Variants in ABI2 observed in about 807,000 individuals in gnomAD.
ABI2 encodes abl interactor 2, also known as abelson interactor 2.
ABI2 carries 25 observed loss-of-function variants against 59.2 expected under a neutral mutation model. The ratio of observed to expected loss-of-function variants is 0.42; its 90% CI spans 0.31 to 0.59. The LOEUF (loss-of-function observed/expected upper bound fraction) is 0.59. Among genes scored for constraint, ABI2 ranks in the 20% least tolerant of loss-of-function variants. The pLI is 0.14. For missense variants in ABI2, 545 were observed against 681.8 expected, an observed-to-expected ratio of 0.80 and a Z score of 2.23; for synonymous variants, 213 against 235.5, an observed-to-expected ratio of 0.90 and a Z score of 0.87.
intron 1 of ABI2, among the ~76,000 whole-genome samples, chr2:203,333,965 G>T (rs1404601628): frequency 1.4e-5 from 2 of 146,448 alleles, no homozygotes; most frequent in Admixed American, 6.8e-5. Flanking sequence ...TTTTGAGATG[G>T]AGTCTCACTC....
chr2:203,397,104 A>G, intron 8 of ABI2, 137 bp downstream of exon 8: 6 of 1,192,422 alleles, frequency 5.0e-6, no homozygotes, highest in Non-Finnish European at 6.3e-6. Flanking sequence ...CTAACCAGAA[A>G]GTATGTGACC....
At chr2:203,370,186 T>TTCTCTCTCTCTCTCTC (rs71007509) in intron 2 of ABI2, among the ~76,000 whole-genome samples, 81 of 136,726 alleles carry the variant, frequency 5.9e-4, no homozygotes, top group Middle Eastern at 3.8e-3. Context: ...CATTCTCCTA[T>TTCTCTCTCTCTCTCTC]TCTCTCTCTC....
At chr2:203,384,663 T>C (rs559054801) in intron 4 of ABI2, among the ~76,000 whole-genome samples, 18 of 152,094 alleles carry the variant, frequency 1.2e-4, no homozygotes, top group Middle Eastern at 3.4e-3. Flanking sequence ...GAGGTCAGTA[T>C]GATGTGTTTG....
At chr2:203,369,735 A>G (rs1026834872) in intron 2 of ABI2, among the ~76,000 whole-genome samples, 3 of 152,146 alleles carry the variant, frequency 2.0e-5, no homozygotes. Flanking sequence ...CTAGAGGGCA[A>G]TAGTTGGAGG....
intron 9 of ABI2, among the ~76,000 whole-genome samples, chr2:203,403,758 T>TTC (rs1341475472): frequency 6.9e-6 from 1 of 144,978 alleles, no homozygotes; most frequent in Non-Finnish European, 1.5e-5. Flanking sequence ...TTTTTTTTTT[T>TTC]TTTTTTAAAT....
At chr2:203,370,325 T>C (rs1300263468) in intron 2 of ABI2, among the ~76,000 whole-genome samples, 1 of 151,540 alleles carries the variant, frequency 6.6e-6, no homozygotes, top group Non-Finnish European at 1.5e-5. Context: ...TGGTCTCAAG[T>C]GATCCTCCCA....
chr2:203,378,304 G>A (rs1292207617), intron 2 of ABI2, among the ~76,000 whole-genome samples: 3 of 151,946 alleles, frequency 2.0e-5, no homozygotes, highest in Admixed American at 6.5e-5. Flanking sequence ...GTAGAGACGG[G>A]GTTTCACCGT....
chr2:203,359,376 G>A (rs1467619100), intron 1 of ABI2, among the ~76,000 whole-genome samples: 1 of 151,996 alleles, frequency 6.6e-6, no homozygotes, highest in African/African-American at 2.4e-5. Context: ...TCTTAATTTA[G>A]AGTATTCAGC....
intron 2 of ABI2, among the ~76,000 whole-genome samples, chr2:203,375,076 G>A (rs1282920729): frequency 6.6e-6 from 1 of 152,208 alleles, no homozygotes; most frequent in Admixed American, 6.5e-5. Context: ...GTATCCTTAA[G>A]GAACCTGGGT....
rs545028359 is a variant in ABI2, at chr2:203,422,088, G to C, written c.1453+5007G>C. Reference sequence around the variant, plus strand: ...AGGCCGGCGGATTGCTTGAGACGAGGAGTTCAAGACCAGCCTGGGCAACAT... The same window carrying C: ...AGGCCGGCGGATTGCTTGAGACGAGCAGTTCAAGACCAGCCTGGGCAACAT... On this transcript the variant is annotated intron_variant, in intron 11 of 11. Coordinates refer to ENST00000261018, the MANE Select transcript of ABI2 (RefSeq NM_001375670.1). 3.5e-3 allele frequency among the ~76,000 whole-genome samples: 528 copies of C among 152,146 alleles called. 3 individuals carry two copies. Among genetic ancestry groups the C allele is most frequent in the Non-Finnish European group, 6.5e-3 (443 of 67,986 alleles).
At chr2:203,408,833 C>CTTTTCTTTTTTTTTTT (rs2097538418) in intron 9 of ABI2, among the ~76,000 whole-genome samples, 1 of 87,204 alleles carries the variant, frequency 1.1e-5, no homozygotes, top group Non-Finnish European at 2.4e-5. Flanking sequence ...CTTCTCCTTT[C>CTTTTCTTTTTTTTTTT]TTTTTTTTTT....
intron 1 of ABI2, among the ~76,000 whole-genome samples, chr2:203,330,205 TGACCC>T (rs56102509): frequency 0.74 from 112,347 of 151,210 alleles, 42,869 homozygotes; most frequent in Middle Eastern, 0.87. Context: ...TATTTGAGAA[TGACCC>T]GAACCACTGT....
chr2:203,394,956 T>C, intron 6 of ABI2, 110 bp downstream of exon 6: 4 of 1,238,888 alleles, frequency 3.2e-6, no homozygotes, highest in Middle Eastern at 3.7e-4. Flanking sequence ...TTCCTCACTC[T>C]ATTCTCCCAA....
chr2:203,343,146 G>A (rs1192961137), intron 1 of ABI2, among the ~76,000 whole-genome samples: 1 of 152,054 alleles, frequency 6.6e-6, no homozygotes, highest in African/African-American at 2.4e-5. Context: ...GGTGGATCAC[G>A]TGAGGTCAGG....
chr2:203,395,376 TGTG>T (rs1412181325), intron 6 of ABI2, among the ~76,000 whole-genome samples: 1 of 150,076 alleles, frequency 6.7e-6, no homozygotes. Context: ...TTTTTCAAAA[TGTG>T]GTCAAAACAA....
Position 203,404,102 on chromosome 2 carries a change from T to G in ABI2, c.1192+1368T>G, listed in dbSNP as rs116388309. ...CCTACCTACATATTTAAAAAATTTT[T>G]CTCTTATCCTCCCAAGTCTTCTCTT... On this transcript the variant is annotated intron_variant, in intron 9 of 11. Coordinates refer to ENST00000261018, the MANE Select transcript of ABI2 (RefSeq NM_001375670.1). 7.4e-3 allele frequency among the ~76,000 whole-genome samples: 1,129 copies of G among 152,212 alleles called. 9 individuals are homozygous for G. The highest frequency in any genetic ancestry group is 0.026 in the African/African-American group (1,067 of 41,532).
intron 3 of ABI2, 55 bp from the exon 4 acceptor site, chr2:203,382,134 A>G: frequency 6.8e-7 from 1 of 1,461,206 alleles, no homozygotes; most frequent in Non-Finnish European, 9.1e-7. Flanking sequence ...GTTTCAACTA[A>G]CCTTTCAATG....
intron 2 of ABI2, among the ~76,000 whole-genome samples, chr2:203,379,667 A>G (rs940904121): frequency 2.0e-5 from 3 of 152,170 alleles, no homozygotes; most frequent in Non-Finnish European, 4.4e-5. Context: ...CTTAATCACT[A>G]TATTAGTCTA....
At chr2:203,406,277 A>G (rs1477495907) in intron 9 of ABI2, among the ~76,000 whole-genome samples, 1 of 152,244 alleles carries the variant, frequency 6.6e-6, no homozygotes, top group Non-Finnish European at 1.5e-5. Context: ...TCAGTAATGT[A>G]GCATGTAAGT....
Sources: gnomAD v4.1 joint callset for allele counts (sites outside exome capture counted in the v4.1 genomes callset) on GRCh38, gnomAD v4.1.1 for gene constraint, MANE v1.5 for transcripts, NCBI Gene and HGNC (gene_info 2026-07-23, HGNC 2026-07-21) for gene names.